The following KIF13B variants were observed in gnomAD, a reference collection of about 807,000 sequenced individuals.
KIF13B encodes kinesin-like protein KIF13B.
KIF13B carries 127 observed loss-of-function variants against 222.0 expected under a neutral mutation model. That is an observed-to-expected ratio of 0.57 (90% CI 0.50 to 0.66). The LOEUF is 0.66. Among genes scored for constraint, KIF13B ranks in the 30% least tolerant of loss-of-function variants. The probability of loss-of-function intolerance (pLI) is 0.00; values close to 1 mark genes in which losing one functional copy is unlikely to be tolerated. For missense variants in KIF13B, 2,173 were observed against 2,379.0 expected (o/e 0.91, Z 1.80); for synonymous variants, 976 against 919.0 (o/e 1.06, Z -1.12).
At chr8:29,221,957 T>C (rs1814772410) in intron 2 of KIF13B, among the ~76,000 whole-genome samples, 1 of 152,208 alleles carries the variant, frequency 6.6e-6, no homozygotes, top group Admixed American at 6.5e-5. Flanking sequence ...CTTTACTTTT[T>C]TCCATGAATT....
At chr8:29,216,848 G>A (rs1307145327) in intron 2 of KIF13B, among the ~76,000 whole-genome samples, 3 of 152,106 alleles carry the variant, frequency 2.0e-5, no homozygotes, top group African/African-American at 7.2e-5. Flanking sequence ...AGGCTAAGCT[G>A]TGGCGCAGGG....
At chr8:29,186,262 C>T in intron 6 of KIF13B, 30 bp downstream of exon 6, 2 of 1,563,104 alleles carry the variant, frequency 1.3e-6, no homozygotes, top group Non-Finnish European at 1.7e-6. Flanking sequence ...GTTCACAATG[C>T]TGAAACACTA....
intron 37 of KIF13B, among the ~76,000 whole-genome samples, chr8:29,091,353 G>C (rs1212412253): frequency 6.6e-6 from 1 of 152,206 alleles, no homozygotes; most frequent in Non-Finnish European, 1.5e-5. Flanking sequence ...AAGGAGAATA[G>C]TAATGATGGC....
intron 5 of KIF13B, among the ~76,000 whole-genome samples, chr8:29,186,987 G>T: frequency 7.1e-6 from 1 of 141,730 alleles, no homozygotes; most frequent in Non-Finnish European, 1.5e-5. Flanking sequence ...AAAAAAAAAA[G>T]AAAAATAAAC....
chr8:29,164,627 TAA>T (rs1811913201), intron 12 of KIF13B, among the ~76,000 whole-genome samples: 1 of 152,170 alleles, frequency 6.6e-6, no homozygotes, highest in Admixed American at 6.5e-5. Context: ...AGTAAAAGAA[TAA>T]AAGACTGATT....
At chr8:29,124,718 T>C (rs947803773) in intron 26 of KIF13B, among the ~76,000 whole-genome samples, 2 of 151,956 alleles carry the variant, frequency 1.3e-5, no homozygotes, top group Admixed American at 6.5e-5. Flanking sequence ...ACCCCATCCC[T>C]ACTAAAAATA....
intron 10 of KIF13B, among the ~76,000 whole-genome samples, chr8:29,173,360 AAC>A (rs1162014402): frequency 3.9e-5 from 6 of 152,088 alleles, no homozygotes; most frequent in Non-Finnish European, 8.8e-5. Context: ...GGTGACTCAC[AAC>A]TGTAATCCTG....
chr8:29,249,269 T>C (rs1350368032), intron 1 of KIF13B, among the ~76,000 whole-genome samples: 1 of 151,248 alleles, frequency 6.6e-6, no homozygotes, highest in Non-Finnish European at 1.5e-5. Context: ...CTCTACTAAA[T>C]ATACAAAAAA....
intron 2 of KIF13B, among the ~76,000 whole-genome samples, chr8:29,223,779 C>T (rs1586948950): frequency 6.6e-6 from 1 of 152,308 alleles, no homozygotes; most frequent in Non-Finnish European, 1.5e-5. Context: ...GCAACCTCCA[C>T]CTCCCGGGTT....
chr8:29,251,950 C>G (rs562409214), intron 1 of KIF13B, among the ~76,000 whole-genome samples: 112 of 150,296 alleles, frequency 7.5e-4, no homozygotes, highest in African/African-American at 2.6e-3. Context: ...AGTAATCAAG[C>G]TTTACAGTAC....
chr8:29,142,387 T>C (rs948906176), intron 18 of KIF13B, 84 bp from the exon 19 acceptor site: 34 of 1,199,020 alleles, frequency 2.8e-5, no homozygotes, highest in Admixed American at 6.7e-5. Context: ...ATCAGTCAAA[T>C]GTCATTACAC....
intron 37 of KIF13B, among the ~76,000 whole-genome samples, chr8:29,092,196 A>C (rs984271381): frequency 1.3e-5 from 2 of 152,256 alleles, no homozygotes; most frequent in African/African-American, 4.8e-5. Context: ...CTATTGCATA[A>C]GAGCAGCTTC....
At chr8:29,173,695 G>A (rs1236235813) in intron 10 of KIF13B, among the ~76,000 whole-genome samples, 1 of 151,940 alleles carries the variant, frequency 6.6e-6, no homozygotes, top group Non-Finnish European at 1.5e-5. Context: ...TGTAATCCCG[G>A]CACTTCAGGA....
intron 2 of KIF13B, among the ~76,000 whole-genome samples, chr8:29,219,687 A>G (rs1355526978): frequency 1.3e-5 from 2 of 152,132 alleles, no homozygotes; most frequent in Non-Finnish European, 2.9e-5. Context: ...GGGGAGGCAG[A>G]GGCTTCAGTG....
intron 23 of KIF13B, among the ~76,000 whole-genome samples, chr8:29,131,507 C>T (rs1810342988): frequency 6.6e-6 from 1 of 152,014 alleles, no homozygotes; most frequent in Non-Finnish European, 1.5e-5. Context: ...CTAAACTATC[C>T]AAATGCAAAA....
At chr8:29,175,937 GA>G in intron 10 of KIF13B, 130 bp downstream of exon 10, 1 of 660,360 alleles carries the variant, frequency 1.5e-6, no homozygotes, top group South Asian at 1.7e-5. Context: ...ATTACCATAA[GA>G]GCCTAATAAT....
At chr8:29,118,259 G>A (rs982268923) in intron 30 of KIF13B, among the ~76,000 whole-genome samples, 1 of 151,750 alleles carries the variant, frequency 6.6e-6, no homozygotes, top group East Asian at 1.9e-4. Flanking sequence ...GGGAGGCCAA[G>A]GCAGGCGATC....
intron 36 of KIF13B, among the ~76,000 whole-genome samples, chr8:29,096,502 G>C (rs908369210): frequency 1.3e-5 from 2 of 151,626 alleles, no homozygotes; most frequent in African/African-American, 4.8e-5. Flanking sequence ...GTTTTGCCAT[G>C]TTGCCCAGGC....
Position 29,070,795 on chromosome 8 carries a change from G to A in KIF13B, c.5219-29C>T, listed in dbSNP as rs751730760. 1.9e-6 allele frequency: 3 copies of A among 1,577,646 alleles called. No homozygotes were observed. Among genetic ancestry groups the A allele is most frequent in the Non-Finnish European group, 2.6e-6 (3 of 1,162,644 alleles). ...CGGGGGAAGGAGAGGGTGATATGGAGGGCAGCCGAGCTGCAGACGGCCCCC... is the reference window on the plus strand; with the variant it reads ...CGGGGGAAGGAGAGGGTGATATGGAAGGCAGCCGAGCTGCAGACGGCCCCC... On this transcript the variant is annotated intron_variant, in intron 39 of 39. Transcript: ENST00000524189. This position sits in a 1 kb window ranked among gnomAD's most constrained non-coding sequence, Gnocchi z 4.1.
Sources: gnomAD v4.1 joint callset for allele counts (sites outside exome capture counted in the v4.1 genomes callset) on GRCh38, gnomAD v4.1.1 for gene constraint, Gnocchi (gnomAD v3.1) non-coding constraint, MANE v1.5 for transcripts, NCBI Gene and HGNC (gene_info 2026-07-23, HGNC 2026-07-21) for gene names.